Variants in PHEX observed in about 807,000 individuals in gnomAD.
PHEX encodes phosphate-regulating neutral endopeptidase PHEX.
In PHEX, 16 loss-of-function variants were observed where a neutral mutation model predicts 68.0. That is an observed-to-expected ratio of 0.24 (90% CI 0.16 to 0.36). The LOEUF is 0.36. Among genes scored for constraint, PHEX ranks in the 10% least tolerant of loss-of-function variants. PHEX has a pLI of 1.00. For missense variants in PHEX, 480 were observed against 575.5 expected (o/e 0.83, Z 1.70); for synonymous variants, 208 against 205.1 (o/e 1.01, Z -0.12).
At chrX:22,070,426 T>G (rs1218068551) in intron 3 of PHEX, among the ~76,000 whole-genome samples, 1 of 111,902 alleles carries the variant, frequency 8.9e-6, no homozygotes, top group African/African-American at 3.2e-5. Flanking sequence ...ATGCCTGTAA[T>G]CCCAGCACTA....
At chrX:22,143,390 A>T (rs1932548686) in intron 12 of PHEX, among the ~76,000 whole-genome samples, 1 of 112,324 alleles carries the variant, frequency 8.9e-6, no homozygotes, top group Non-Finnish European at 1.9e-5. Flanking sequence ...AAAACTACTC[A>T]CATGTACCCA....
intron 12 of PHEX, among the ~76,000 whole-genome samples, chrX:22,147,292 G>A (rs1490222857): frequency 9.0e-6 from 1 of 110,994 alleles, no homozygotes; most frequent in Admixed American, 9.6e-5. Flanking sequence ...CATTAGGAAT[G>A]TTCAGGCTTT....
chrX:22,090,351 C>A, intron 5 of PHEX, 78 bp from the exon 6 acceptor site: 2 of 798,148 alleles, frequency 2.5e-6, no homozygotes, highest in Non-Finnish European at 1.9e-6. Flanking sequence ...GGGATGCAGA[C>A]GATTTCATCA....
intron 12 of PHEX, among the ~76,000 whole-genome samples, chrX:22,138,401 G>T (rs1602329136): frequency 8.9e-6 from 1 of 112,678 alleles, no homozygotes; most frequent in African/African-American, 3.2e-5. Flanking sequence ...TCCTAGGAGA[G>T]AACAGGAGGC....
Position 22,212,987 on chromosome X carries a change from C to T in PHEX, c.1700+29C>T. On this transcript the variant is annotated intron_variant, in intron 16 of 21. Transcript: ENST00000379374. The stretch of plus-strand genomic sequence containing the variant: ...AGTAAATGAGTACAGAAACCAGTTA[C>T]TGACCAATTAGGAAGAACATGTTGC... 2.8e-6 allele frequency: 3 copies of T among 1,059,153 alleles called. No homozygotes were observed. In the Admixed American group the frequency reaches 6.5e-5, roughly 23 times the overall value. The allele number at this position is 1,059,153 out of a possible 1,213,427, so 87.3% of individuals were successfully genotyped here. A position where few individuals can be genotyped will look rare whatever the true frequency, so the allele number is the denominator to read the frequency against.
chrX:22,128,221 G>C lies in PHEX; in HGVS notation c.1303-5302G>C, dbSNP rs73636806. 5.6e-3 allele frequency among the ~76,000 whole-genome samples: 602 copies of C among 108,053 alleles called. 4 individuals carry two copies. Among genetic ancestry groups the C allele is most frequent in the African/African-American group, 0.019 (578 of 29,682 alleles). 93.8% of individuals were successfully genotyped at this position (108,053 alleles called of 115,157 possible). On this transcript the variant is annotated intron_variant, in intron 11 of 21. Coordinates refer to ENST00000379374, the MANE Select transcript of PHEX (RefSeq NM_000444.6). ...TTACAGGCATGTGCCACCACACCTG[G>C]CTAATTTCTTTTTTTGTATCTAGTA...
chrX:22,169,988 A>G (rs1328610201), intron 13 of PHEX: 1 of 112,455 alleles, frequency 8.9e-6, no homozygotes, highest in Non-Finnish European at 1.9e-5. Flanking sequence ...TTGCGGATCA[A>G]TATGGACCAT....
intron 15 of PHEX, among the ~76,000 whole-genome samples, chrX:22,200,491 C>A (rs1212851708): frequency 9.0e-6 from 1 of 111,127 alleles, no homozygotes; most frequent in Admixed American, 9.6e-5. Flanking sequence ...TGCCTGTAAT[C>A]CCAGCTACTC....
intron 12 of PHEX, among the ~76,000 whole-genome samples, chrX:22,165,211 TGTTTGGG>T (rs1441252552): frequency 2.7e-5 from 3 of 111,421 alleles, no homozygotes; most frequent in Non-Finnish European, 5.7e-5. Flanking sequence ...AAAACCAACG[TGTTTGGG>T]GTTGCCTAGG....
At chrX:22,114,773 G>T (rs1398134779) in intron 11 of PHEX, among the ~76,000 whole-genome samples, 187 bp downstream of exon 11, 1 of 111,520 alleles carries the variant, frequency 9.0e-6, no homozygotes, top group African/African-American at 3.3e-5. Flanking sequence ...GAGTTAGCAG[G>T]TATTGAAGGT....
At position 22,218,346 on chromosome X, in the gene PHEX, G is replaced by T. The variant is rs185242530; in HGVS notation, c.1701-690G>T. On this transcript the variant is annotated intron_variant, in intron 16 of 21. Transcript: ENST00000379374. ...AAATTTAAGAAGAGGGAAATAGATT[G>T]TCTCTTGATGGGAGGAGGGGCTATG... Among the ~76,000 whole-genome samples the T allele has an allele frequency of 2.7e-3, 305 of 111,538 alleles. 2 individuals are homozygous for T. Among genetic ancestry groups the T allele is most frequent in the Non-Finnish European group, 7.0e-4 (37 of 53,116 alleles).
intron 14 of PHEX, among the ~76,000 whole-genome samples, chrX:22,179,478 C>A (rs941511536): frequency 2.8e-5 from 3 of 108,647 alleles, no homozygotes; most frequent in Non-Finnish European, 3.8e-5. Context: ...TCCTCACCCC[C>A]CTCCCACTCT....
rs773436322 is a variant in PHEX at position 22,099,114 on chromosome X, A to G, written c.1042A>G (p.Lys348Glu). The G allele has an allele frequency of 8.3e-7, 1 of 1,209,794 alleles. No homozygotes were observed. The highest frequency in any genetic ancestry group is 1.7e-5 in the African/African-American group (1 of 57,710). Residue 348 changes from lysine (K) to glutamate (E), a missense_variant, in exon 9 of 22, where the codon AAA becomes GAA. Coordinates refer to ENST00000379374, the MANE Select transcript of PHEX (RefSeq NM_000444.6). ...GGTGGTCCGCGTCCCGCAGTACTTTAAAGATTTGTTTAGGATATTAGGGTC... is the reference window on the plus strand; with the variant it reads ...GGTGGTCCGCGTCCCGCAGTACTTTGAAGATTTGTTTAGGATATTAGGGTC... ...NVVVRVPQYF[K>E]DLFRILGSER... is the part of the protein sequence containing the mutation.
At position 22,032,972 on chromosome X, in the gene PHEX, A is replaced by C; in HGVS notation, c.-34A>C. 3 of 1,091,839 alleles carry C rather than the reference A, an allele frequency of 2.7e-6. No individual in the cohort carries two copies. The highest frequency in any genetic ancestry group is 3.8e-6 in the Non-Finnish European group (3 of 786,313). The allele number at this position is 1,091,839 out of a possible 1,213,427, so 90.0% of individuals were successfully genotyped here. On this transcript the variant is annotated 5_prime_UTR_variant, in exon 1 of 22. Transcript: ENST00000379374. ...ACCAGCCACCAAACCACGAAAAGTG[A>C]CTTTCTTCTCGTGTGCTCTCTACGG...
In PHEX at chrX:22,248,120, G is replaced by A. The variant is rs751689587; in HGVS notation, c.*167G>A. On this transcript the variant is annotated 3_prime_UTR_variant, in exon 22 of 22. Transcript: ENST00000379374. ...ATCTAGACAGCATCTGTTCAAAGTT[G>A]TAGGGCTTATAAAGTGGAATATAAG... is the stretch of plus-strand genomic sequence containing the variant. The A allele has an allele frequency of 1.2e-4, 57 of 460,761 alleles. No homozygotes were observed. The African/African-American group carries it at 1.3e-3, about 10-fold the overall frequency. 38.0% of individuals were successfully genotyped at this position (460,761 alleles called of 1,213,427 possible).
chrX:22,223,606 G>A (rs1006151454), intron 18 of PHEX, among the ~76,000 whole-genome samples: 14 of 111,282 alleles, frequency 1.3e-4, no homozygotes, highest in Non-Finnish European at 2.1e-4. Flanking sequence ...AAAATTAGCC[G>A]GGTGTAGTGG....
chrX:22,165,180 G>A (rs755063566), intron 12 of PHEX, among the ~76,000 whole-genome samples: 33 of 112,173 alleles, frequency 2.9e-4, no homozygotes, highest in Non-Finnish European at 5.3e-4. Context: ...CACTGGTTTT[G>A]CTTTGTGGCT....
intron 15 of PHEX, among the ~76,000 whole-genome samples, chrX:22,200,681 AG>A (rs1171668659): frequency 8.9e-6 from 1 of 111,816 alleles, no homozygotes; most frequent in Non-Finnish European, 1.9e-5. Context: ...GAAAAGGTTA[AG>A]GGTATGATAT....
intron 3 of PHEX, among the ~76,000 whole-genome samples, chrX:22,065,002 G>A (rs1041930698): frequency 8.9e-6 from 1 of 112,059 alleles, no homozygotes; most frequent in African/African-American, 3.2e-5. Context: ...TTGTAATGAT[G>A]GACTATTTGC....
Sources: gnomAD v4.1 joint callset for allele counts (sites outside exome capture counted in the v4.1 genomes callset) on GRCh38, gnomAD v4.1.1 for gene constraint, MANE v1.5 for transcripts, NCBI Gene and HGNC (gene_info 2026-07-23, HGNC 2026-07-21) for gene names.